Variants in RFFL observed in about 807,000 individuals in gnomAD.
RFFL encodes E3 ubiquitin-protein ligase rififylin.
A neutral mutation model predicts 40.4 loss-of-function variants in RFFL; 16 were observed. That is an observed-to-expected ratio of 0.40 (90% CI 0.27 to 0.60). The LOEUF (loss-of-function observed/expected upper bound fraction) is 0.60, where lower values mean the gene tolerates loss of function less well. Among genes scored for constraint, RFFL ranks in the 20% least tolerant of loss-of-function variants. The pLI is 0.47. For missense variants in RFFL, 367 were observed against 451.7 expected, an observed-to-expected ratio of 0.81 and a Z score of 1.70; for synonymous variants, 154 against 167.9, an observed-to-expected ratio of 0.92 and a Z score of 0.64.
In RFFL at chr17:35,021,469, G is replaced by T; in HGVS notation, c.493C>A (p.Pro165Thr). 6.3e-7 allele frequency: 1 copy of T among 1,575,380 alleles called. No individual in the cohort carries two copies. Among genetic ancestry groups the T allele is most frequent in the Non-Finnish European group, 8.6e-7 (1 of 1,161,848 alleles). Residue 165 changes from proline to threonine, a missense_variant, in exon 3 of 7, where the codon CCT becomes ACT. Pro to Thr is a conservative substitution (Grantham distance 38). Coordinates refer to ENST00000394597, the MANE Select transcript of RFFL (RefSeq NM_001017368.2). ...GTAGGTGGAACCATGCTGGAGTGAG[G>T]CTGGGTCAGGAAGGCCTGCTGCTCA... ...FPEQQAFLTQ[P>T]HSSMVPPTSP...
intron 1 of RFFL, among the ~76,000 whole-genome samples, chr17:35,082,118 CT>C (rs1020868312): frequency 6.6e-6 from 1 of 152,220 alleles, no homozygotes; most frequent in African/African-American, 2.4e-5. Context: ...TACTAATCAG[CT>C]TTTTTAACAT....
intron 1 of RFFL, among the ~76,000 whole-genome samples, chr17:35,035,213 A>C: frequency 6.6e-6 from 1 of 152,036 alleles, no homozygotes; most frequent in East Asian, 1.9e-4. Context: ...AGTGAGACCA[A>C]TCCTGGCTAA....
intron 1 of RFFL, among the ~76,000 whole-genome samples, chr17:35,063,039 C>T (rs1381095488): frequency 3.3e-5 from 5 of 152,032 alleles, no homozygotes; most frequent in African/African-American, 1.2e-4. Context: ...ACAAGATACA[C>T]ACAAAAAAAC....
rs148533276 is a variant in RFFL at position 35,026,429 on chromosome 17, C to T, written c.125G>A (p.Gly42Asp). 4.5e-5 allele frequency: 73 copies of T among 1,613,820 alleles called. No individual in the cohort carries two copies. The highest frequency in any genetic ancestry group is 2.8e-4 in the Admixed American group (17 of 59,982). ...PGYSSFPSPT[G>D]LEPSCKSCGA... ...ACAGGACTTGCAGCTTGGTTCCAAG[C>T]CTGTTGGGGAAGGGAAGGAGCTGTA... Residue 42 changes from glycine (G) to aspartate (D), a missense_variant, in exon 2 of 7, where the codon GGC becomes GAC. Physicochemically the swap from Gly to Asp is moderately conservative, Grantham distance 94. Transcript: ENST00000394597.
rs531087115 is a variant in RFFL, at chr17:35,011,586, A to G, written c.*382T>C. 3.0e-4 allele frequency: 53 copies of G among 179,086 alleles called. No homozygotes were observed. In the South Asian group the frequency reaches 7.3e-3, roughly 25 times the overall value. The allele number at this position is 179,086 out of a possible 1,614,324, so 11.1% of individuals were successfully genotyped here. On this transcript the variant is annotated 3_prime_UTR_variant, in exon 7 of 7. Coordinates refer to ENST00000394597, the MANE Select transcript of RFFL (RefSeq NM_001017368.2). ...GGAGGACTTCTGATTGATGAAACACATGGGCAAGCATCTCCCATATGGGGT... is the reference window on the plus strand; with the variant it reads ...GGAGGACTTCTGATTGATGAAACACGTGGGCAAGCATCTCCCATATGGGGT...
chr17:35,039,905 C>G (rs765277348), intron 1 of RFFL, among the ~76,000 whole-genome samples: 1 of 150,814 alleles, frequency 6.6e-6, no homozygotes, highest in African/African-American at 2.4e-5. Context: ...AAACACCCAA[C>G]CACAGGTGAT....
intron 1 of RFFL, among the ~76,000 whole-genome samples, chr17:35,027,053 G>T (rs941573264): frequency 1.3e-5 from 2 of 152,142 alleles, no homozygotes; most frequent in Non-Finnish European, 2.9e-5. Flanking sequence ...CAGACTCAAA[G>T]AAATCAAATA....
At chr17:35,019,720 C>T (rs1278834438) in intron 3 of RFFL, among the ~76,000 whole-genome samples, 2 of 151,488 alleles carry the variant, frequency 1.3e-5, no homozygotes, top group Non-Finnish European at 2.9e-5. Context: ...CTCCTGGCTC[C>T]TTATACATAG....
chr17:35,031,304 A>C (rs910752152), intron 1 of RFFL, among the ~76,000 whole-genome samples: 1 of 151,506 alleles, frequency 6.6e-6, no homozygotes, highest in Non-Finnish European at 1.5e-5. Flanking sequence ...ATGGGGTTTC[A>C]CCATGTTGGC....
At chr17:35,054,003 AGACTAGACTGAC>A (rs1050623308) in intron 1 of RFFL, among the ~76,000 whole-genome samples, 12 of 152,200 alleles carry the variant, frequency 7.9e-5, no homozygotes, top group African/African-American at 2.9e-4. Flanking sequence ...TTGTGACCCA[AGACTAGACTGAC>A]GACACAGTGA....
At chr17:35,047,827 C>T (rs185639423) in intron 1 of RFFL, among the ~76,000 whole-genome samples, 1 of 151,640 alleles carries the variant, frequency 6.6e-6, no homozygotes, top group Non-Finnish European at 1.5e-5. Flanking sequence ...TCTTGGCTCA[C>T]TGCAGCCTCT....
At chr17:35,044,683 A>G (rs2091187116) in intron 1 of RFFL, among the ~76,000 whole-genome samples, 1 of 152,194 alleles carries the variant, frequency 6.6e-6, no homozygotes. Flanking sequence ...CTTAGTGCTC[A>G]GGGCCTTACT....
At chr17:35,020,228 C>A (rs867096958) in intron 3 of RFFL, among the ~76,000 whole-genome samples, 1 of 152,016 alleles carries the variant, frequency 6.6e-6, no homozygotes, top group African/African-American at 2.4e-5. Context: ...TTCCTAATTC[C>A]CCCATATTGC....
At position 35,012,121 on chromosome 17, in the gene RFFL, C is replaced by A. The variant is rs2090943705; in HGVS notation, c.939G>T (p.Glu313Asp). The A allele has an allele frequency of 3.1e-6, 5 of 1,614,114 alleles. No individual in the cohort carries two copies. Among genetic ancestry groups the A allele is most frequent in the Non-Finnish European group, 4.2e-6 (5 of 1,179,998 alleles). Residue 313 changes from glutamate to aspartate, a missense_variant, in exon 7 of 7, where the codon GAG (glutamate) becomes GAT (aspartate). Transcript: ENST00000394597. Reference sequence around the variant, plus strand: ...AGTCCATGCAGATCTTACACAGGTTCTCCTCCAAGCCTGATGGTACTGCTC... The same window carrying A: ...AGTCCATGCAGATCTTACACAGGTTATCCTCCAAGCCTGATGGTACTGCTC... ...NGGAVPSGLE[E>D]NLCKICMDSP...
chr17:35,054,447 A>ACATGTG, intron 1 of RFFL, among the ~76,000 whole-genome samples: 1 of 152,170 alleles, frequency 6.6e-6, no homozygotes, highest in Non-Finnish European at 1.5e-5. Flanking sequence ...CACATCTCAT[A>ACATGTG]CATGTGCATG....
chr17:35,046,252 G>C (rs1475597032), intron 1 of RFFL, among the ~76,000 whole-genome samples: 1 of 152,070 alleles, frequency 6.6e-6, no homozygotes, highest in East Asian at 1.9e-4. Flanking sequence ...GGAACAAGAC[G>C]GTCACTTCCA....
At chr17:35,044,460 T>C (rs1372017518) in intron 1 of RFFL, among the ~76,000 whole-genome samples, 1 of 152,082 alleles carries the variant, frequency 6.6e-6, no homozygotes, top group Non-Finnish European at 1.5e-5. Context: ...CTACTAAAAA[T>C]ACAAAAATTA....
chr17:35,066,678 C>T (rs1244119886), upstream of RFFL, among the ~76,000 whole-genome samples: 6 of 152,164 alleles, frequency 3.9e-5, no homozygotes, highest in South Asian at 2.1e-4. Context: ...TACTTCCCTA[C>T]CCCCAGCATC....
intron 1 of RFFL, among the ~76,000 whole-genome samples, chr17:35,049,520 G>C (rs571761454): frequency 6.6e-6 from 1 of 152,230 alleles, no homozygotes; most frequent in South Asian, 2.1e-4. Flanking sequence ...ATGGGAGGTG[G>C]GTTCAGAAAA....
Sources: allele counts gnomAD v4.1 joint callset (sites outside exome capture counted in the v4.1 genomes callset), GRCh38; gene constraint gnomAD v4.1.1; transcripts MANE v1.5; gene names NCBI Gene and HGNC (gene_info 2026-07-23, HGNC 2026-07-21).